RAB36: variants seen among roughly 807,000 people sequenced by gnomAD.
RAB36 encodes RAB36, member RAS oncogene family.
Under a neutral mutation model 39.3 loss-of-function variants are expected in RAB36, and 33 were observed. That is an observed-to-expected ratio of 0.84 (90% CI 0.64 to 1.12). RAB36 has a LOEUF of 1.12. RAB36 is among the 50% of genes most tolerant of loss of function. The pLI, the probability that RAB36 is intolerant of heterozygous loss-of-function variation, is 0.00. For missense variants in RAB36, 308 were observed against 355.3 expected (o/e 0.87, Z 1.07); for synonymous variants, 133 against 140.2 (o/e 0.95, Z 0.36).
Position 23,165,481 on chromosome 22 carries a change from A to G in RAB36, c.*3917A>G, listed in dbSNP as rs2072026862. Reference sequence around the variant, plus strand: ...GAAGAGCTTGGTAGGAGCCAGCCACAGAAAGTTTCAGGGCAGAACTGAACA... The same window carrying G: ...GAAGAGCTTGGTAGGAGCCAGCCACGGAAAGTTTCAGGGCAGAACTGAACA... On this transcript the variant is annotated 3_prime_UTR_variant, in exon 11 of 11. Coordinates refer to ENST00000263116, the MANE Select transcript of RAB36 (RefSeq NM_004914.5). Among the ~76,000 whole-genome samples the G allele has an allele frequency of 6.6e-6, 1 of 152,224 alleles. No individual in the cohort carries two copies. Among genetic ancestry groups the G allele is most frequent in the Non-Finnish European group, 1.5e-5 (1 of 68,034 alleles).
At chr22:23,152,645 G>C (rs1479845669) in intron 4 of RAB36, 119 bp downstream of exon 4, 1 of 1,003,390 alleles carries the variant, frequency 1.0e-6, no homozygotes, top group East Asian at 2.5e-5. Context: ...AGGAACTGCT[G>C]TGCCTCAGCC....
downstream of RAB36, among the ~76,000 whole-genome samples, chr22:23,168,518 G>A (rs1601969536): frequency 1.3e-5 from 2 of 152,168 alleles, no homozygotes; most frequent in East Asian, 3.9e-4. Context: ...ACAGACACCT[G>A]CCGCTTCAGG....
chr22:23,146,097 C>G, intron 1 of RAB36: 5 of 887,310 alleles, frequency 5.6e-6, no homozygotes, highest in Non-Finnish European at 6.8e-6. Context: ...CTTCTGACTC[C>G]CAGGCAGGGT....
chr22:23,160,344 G>T (rs546824978), intron 9 of RAB36, among the ~76,000 whole-genome samples: 1 of 152,224 alleles, frequency 6.6e-6, no homozygotes, highest in Non-Finnish European at 1.5e-5. Context: ...GGTTGTGCAG[G>T]TTGCTGGCTG....
intron 3 of RAB36, among the ~76,000 whole-genome samples, chr22:23,151,706 G>A (rs116584496): frequency 2.6e-5 from 4 of 152,284 alleles, no homozygotes; most frequent in East Asian, 1.9e-4. Context: ...GCAACACAGC[G>A]AGACCCTGTC....
In RAB36 at chr22:23,146,610, T is replaced by C. The variant is rs1358418633; in HGVS notation, c.-7T>C. 5 of 1,613,906 alleles carry C rather than the reference T, an allele frequency of 3.1e-6. No individual in the cohort carries two copies. The South Asian group carries it at 4.4e-5, about 14-fold the overall frequency. On this transcript the variant is annotated 5_prime_UTR_variant, in exon 2 of 11. Coordinates refer to ENST00000263116, the MANE Select transcript of RAB36 (RefSeq NM_004914.5). The stretch of plus-strand genomic sequence containing the variant: ...TCTCCTGGTTGGGTCCACAGGACTG[T>C]GGAAGAATGAGGTCCTCCCTGACAC...
rs911589631 is a variant in RAB36 at position 23,159,379 on chromosome 22, A to G, written c.619+126A>G. On this transcript the variant is annotated intron_variant, in intron 9 of 10. Coordinates refer to ENST00000263116, the MANE Select transcript of RAB36 (RefSeq NM_004914.5). Reference sequence around the variant, plus strand: ...TGTTCCCTCTGTGGCCCTGGTGCACACTGGCATCACAGCCCTGCTGTGCTG... The same window carrying G: ...TGTTCCCTCTGTGGCCCTGGTGCACGCTGGCATCACAGCCCTGCTGTGCTG... 2.1e-5 allele frequency: 19 copies of G among 902,716 alleles called. No individual in the cohort carries two copies. The South Asian group carries it at 3.3e-4, about 16-fold the overall frequency. The allele number at this position is 902,716 out of a possible 1,614,324, so 55.9% of individuals were successfully genotyped here. A position where few individuals can be genotyped will look rare whatever the true frequency, so the allele number is the denominator to read the frequency against.
chr22:23,152,240 G>C (rs1364848173), intron 3 of RAB36, among the ~76,000 whole-genome samples: 1 of 152,144 alleles, frequency 6.6e-6, no homozygotes, highest in African/African-American at 2.4e-5. Context: ...GCCAAATATG[G>C]TGAGGGGTGC....
At chr22:23,145,364 C>T (rs768183529), upstream of RAB36, 13 of 1,605,344 alleles carry the variant, frequency 8.1e-6, no homozygotes, top group Non-Finnish European at 1.1e-5. Flanking sequence ...GTTCTCGTTG[C>T]TATGGTGATC....
At chr22:23,156,811 C>G (rs535975459) in intron 6 of RAB36, among the ~76,000 whole-genome samples, 1 of 152,328 alleles carries the variant, frequency 6.6e-6, no homozygotes, top group Admixed American at 6.5e-5. Context: ...TTCGCCTCTT[C>G]GGGCCTCTCC....
At chr22:23,168,521 G>A (rs1015633630), downstream of RAB36, among the ~76,000 whole-genome samples, 2 of 152,138 alleles carry the variant, frequency 1.3e-5, no homozygotes, top group African/African-American at 2.4e-5. Flanking sequence ...GACACCTGCC[G>A]CTTCAGGCAC....
intron 5 of RAB36, 52 bp downstream of exon 5, chr22:23,153,186 A>C (rs1336984044): frequency 7.2e-7 from 1 of 1,387,564 alleles, no homozygotes; most frequent in Non-Finnish European, 1.0e-6. Context: ...CAGGCACCTG[A>C]GAAAGGATTT....
At chr22:23,156,097 G>A (rs756935470) in intron 6 of RAB36, 65 bp downstream of exon 6, 2 of 1,450,268 alleles carry the variant, frequency 1.4e-6, no homozygotes, top group Admixed American at 2.0e-5. Flanking sequence ...GGGCTCCACA[G>A]TGGGAATCCC....
At position 23,145,607 on chromosome 22, in the gene RAB36, C is replaced by A. The variant is rs938331967; in HGVS notation, c.-13+56C>A. ...TCCCGGTCACCCAACCCCGTGCTGG[C>A]ACATCCCGAGGCCAGGGCCGCGAGG... On this transcript the variant is annotated intron_variant, in intron 1 of 10. Coordinates refer to ENST00000263116, the MANE Select transcript of RAB36 (RefSeq NM_004914.5). The A allele has an allele frequency of 4.5e-6, 7 of 1,543,550 alleles. No individual in the cohort carries two copies. The Admixed American group carries it at 1.1e-4, about 24-fold the overall frequency.
At chr22:23,150,460 C>T (rs966979759) in intron 3 of RAB36, among the ~76,000 whole-genome samples, 2 of 151,952 alleles carry the variant, frequency 1.3e-5, no homozygotes, top group African/African-American at 4.8e-5. Flanking sequence ...CGCCACCACG[C>T]CCGGCTAATT....
Position 23,152,523 on chromosome 22 carries a change from A to G in RAB36, c.224A>G (p.His75Arg), listed in dbSNP as rs1331878332. Residue 75 changes from histidine (H) to arginine (R), a missense_variant, in exon 4 of 11, where the codon CAC becomes CGC. Physicochemically the swap from His to Arg is conservative, Grantham distance 29. Transcript: ENST00000263116. ...TACGTGGGGAAGACCAGCCTCATCC[A>G]CAGGTACAAGGCTTCCTCTGCCCCT... ...DLYVGKTSLI[H>R]RFCKNVFDRD... The G allele has an allele frequency of 6.2e-7, 1 of 1,614,106 alleles. No homozygotes were observed.
rs780122490 is a variant in RAB36, at chr22:23,150,168, G to T, written c.161+14G>T. ...GGGGACTGTCGGGTGAGCCTGCAGG[G>T]TGTGGGATGGGGGAGCAGGTGGCAA... On this transcript the variant is annotated intron_variant, in intron 3 of 10. Coordinates refer to ENST00000263116, the MANE Select transcript of RAB36 (RefSeq NM_004914.5). 45 of 1,598,472 alleles carry T rather than the reference G, an allele frequency of 2.8e-5. No homozygotes were observed. The highest frequency in any genetic ancestry group is 3.8e-5 in the Non-Finnish European group (45 of 1,169,516).
chr22:23,153,072 C>A lies in RAB36; in HGVS notation c.267C>A (p.Thr89=), dbSNP rs1472628717. The change falls in exon 5 of 11, where the codon ACC becomes ACA. Residue 89 remains threonine, a synonymous_variant. Transcript: ENST00000263116. Reference sequence around the variant, plus strand: ...TTTTTGATCGAGACTACAAGGCCACCATTGGGGTGGACTTTGAAATTGAGC... The same window carrying A: ...TTTTTGATCGAGACTACAAGGCCACAATTGGGGTGGACTTTGAAATTGAGC... ...KNVFDRDYKA[T]IGVDFEIERF... 6.2e-7 allele frequency: 1 copy of A among 1,614,130 alleles called. No individual in the cohort carries two copies. Among genetic ancestry groups the A allele is most frequent in the South Asian group, 1.1e-5 (1 of 91,086 alleles).
At position 23,165,110 on chromosome 22, in the gene RAB36, A is replaced by G. The variant is rs2072012985; in HGVS notation, c.*3546A>G. 6.6e-6 allele frequency among the ~76,000 whole-genome samples: 1 copy of G among 152,100 alleles called. No individual in the cohort carries two copies. The highest frequency in any genetic ancestry group is 1.5e-5 in the Non-Finnish European group (1 of 68,010). ...CTCCCCCACCCATCTGTGGAACCCC[A>G]AGAGCCAGGACAGTGACCTCATCAC... On this transcript the variant is annotated 3_prime_UTR_variant, in exon 11 of 11. Transcript: ENST00000263116.
Sources: allele counts gnomAD v4.1 joint callset (sites outside exome capture counted in the v4.1 genomes callset), GRCh38; gene constraint gnomAD v4.1.1; transcripts MANE v1.5; gene names NCBI Gene and HGNC (gene_info 2026-07-23, HGNC 2026-07-21).